Variants in NDE1 observed in about 807,000 individuals in gnomAD.
NDE1 encodes nuclear distribution protein nudE homolog 1.
In NDE1, 28 loss-of-function variants were observed where a neutral mutation model predicts 43.4. That is an observed-to-expected ratio of 0.65 (90% CI 0.48 to 0.89). The LOEUF is 0.89. NDE1 is among the 40% of genes least tolerant of loss of function. The pLI, the probability that NDE1 is intolerant of heterozygous loss-of-function variation, is 0.00. For synonymous variants in NDE1, 184 were observed against 172.0 expected (o/e 1.07, Z -0.55); for missense variants, 441 against 434.1 (o/e 1.02, Z -0.14).
chr16:15,678,114 C>G (rs949926373), intron 4 of NDE1, among the ~76,000 whole-genome samples, 165 bp downstream of exon 4: 1 of 152,062 alleles, frequency 6.6e-6, no homozygotes, highest in Non-Finnish European at 1.5e-5. Flanking sequence ...GGACAATAGT[C>G]GAAGAAGTGC....
chr16:15,711,034 A>C (rs2039761831), intron 8 of NDE1: 1 of 152,212 alleles, frequency 6.6e-6, no homozygotes, highest in South Asian at 2.1e-4. Context: ...ACCCTGGGAG[A>C]TGCTTCCAGG....
chr16:15,695,998 A>AT (rs1367838035), intron 7 of NDE1: 1 of 151,820 alleles, frequency 6.6e-6, no homozygotes, highest in African/African-American at 2.4e-5. Flanking sequence ...TAGGTTAGTG[A>AT]TTTTTCCAGA....
intron 8 of NDE1, chr16:15,711,006 T>A (rs964625034): frequency 1.3e-5 from 2 of 152,382 alleles, no homozygotes; most frequent in Admixed American, 6.6e-5. Context: ...AGAACAGCTC[T>A]CCTCCACTGA....
intron 6 of NDE1, among the ~76,000 whole-genome samples, chr16:15,692,031 C>T (rs191838035): frequency 7.2e-5 from 11 of 152,142 alleles, no homozygotes; most frequent in Admixed American, 2.6e-4. Context: ...ATACATCCAC[C>T]GAGAGCTAGA....
intron 8 of NDE1, chr16:15,718,494 C>T: frequency 6.5e-7 from 1 of 1,534,532 alleles, no homozygotes; most frequent in Non-Finnish European, 8.7e-7. Flanking sequence ...TTAAAAGATG[C>T]CCCCTCCTTG....
intron 1 of NDE1, among the ~76,000 whole-genome samples, chr16:15,644,146 G>A (rs990428373): frequency 7.2e-5 from 11 of 152,222 alleles, no homozygotes; most frequent in African/African-American, 2.7e-4. Flanking sequence ...ATCTAGACAC[G>A]ATTTAGGATG....
chr16:15,696,649 C>G, intron 7 of NDE1, 60 bp from the exon 8 acceptor site: 1 of 1,613,398 alleles, frequency 6.2e-7, no homozygotes. Context: ...TGTACAGGCT[C>G]TGGTAAGACA....
At chr16:15,699,652 A>G (rs1391296720) in intron 8 of NDE1, 11 of 1,296,020 alleles carry the variant, frequency 8.5e-6, no homozygotes, top group African/African-American at 4.5e-5. Flanking sequence ...GTTCACCCTT[A>G]TAACTCTCTG....
rs1677293613 is a variant in NDE1, at chr16:15,725,073, A to G, written c.*822A>G. ...AAGGAGCCCTTTTTACTCAAAACAC[A>G]TGGGCTAGTACTTGAGGTGTTCACT... On this transcript the variant is annotated 3_prime_UTR_variant, in exon 9 of 9. Transcript: ENST00000396354. The G allele has an allele frequency of 9.0e-7, 1 of 1,112,594 alleles. No individual in the cohort carries two copies. Among genetic ancestry groups the G allele is most frequent in the South Asian group, 1.3e-5 (1 of 77,484 alleles). The allele number at this position is 1,112,594 out of a possible 1,614,324, so 68.9% of individuals were successfully genotyped here.
At chr16:15,681,453 C>A (rs183669087) in intron 4 of NDE1, among the ~76,000 whole-genome samples, 2 of 151,312 alleles carry the variant, frequency 1.3e-5, no homozygotes, top group Non-Finnish European at 2.9e-5. Flanking sequence ...TTTGTAGATA[C>A]AGGGTTTTTC....
chr16:15,722,971 T>G (rs1356449937), intron 8 of NDE1, among the ~76,000 whole-genome samples: 1 of 152,154 alleles, frequency 6.6e-6, no homozygotes, highest in Non-Finnish European at 1.5e-5. Context: ...CTCAAACCCC[T>G]GACCTCAAGT....
At chr16:15,653,518 A>G (rs189758301) in intron 1 of NDE1, among the ~76,000 whole-genome samples, 1 of 152,086 alleles carries the variant, frequency 6.6e-6, no homozygotes, top group East Asian at 1.9e-4. Flanking sequence ...GTGGGGATGG[A>G]GAAGGGTGTT....
rs1490709218 is a variant in NDE1, at chr16:15,725,133, A to AT, written c.*883dup. On this transcript the variant is annotated 3_prime_UTR_variant, in exon 9 of 9. Coordinates refer to ENST00000396354, the MANE Select transcript of NDE1 (RefSeq NM_017668.3). The stretch of plus-strand genomic sequence containing the variant: ...AATACCCGTGAGGTATGGGACTCTG[A>AT]TAAAAAAAAAAAAAAACACACACAC... 1.7e-5 allele frequency: 11 copies of AT among 634,734 alleles called. No homozygotes were observed. The highest frequency in any genetic ancestry group is 3.7e-5 in the South Asian group (2 of 54,692). 39.3% of individuals were successfully genotyped at this position (634,734 alleles called of 1,614,324 possible).
chr16:15,703,903 C>T, intron 8 of NDE1: 1 of 1,580,954 alleles, frequency 6.3e-7, no homozygotes, highest in Non-Finnish European at 8.7e-7. Flanking sequence ...CTGGGTTTTG[C>T]TTTGTTCTGG....
At chr16:15,666,599 A>T (rs2037320858) in intron 2 of NDE1, among the ~76,000 whole-genome samples, 1 of 152,010 alleles carries the variant, frequency 6.6e-6, no homozygotes, top group Non-Finnish European at 1.5e-5. Context: ...ACAGAGCAAG[A>T]CTCTATCTCA....
intron 7 of NDE1, among the ~76,000 whole-genome samples, 196 bp from the exon 8 acceptor site, chr16:15,696,513 G>C (rs1596637625): frequency 6.6e-6 from 1 of 152,132 alleles, no homozygotes. Context: ...ATTGTGCCCA[G>C]CCAGCTCCCA....
intron 8 of NDE1, among the ~76,000 whole-genome samples, chr16:15,707,235 C>A (rs1184908240): frequency 6.6e-6 from 1 of 152,160 alleles, no homozygotes; most frequent in Admixed American, 6.6e-5. Flanking sequence ...CGGGGTTTTA[C>A]CATGTTGGCC....
chr16:15,723,583 T>C (rs1403712262), intron 8 of NDE1, among the ~76,000 whole-genome samples: 1 of 152,046 alleles, frequency 6.6e-6, no homozygotes, highest in Non-Finnish European at 1.5e-5. Flanking sequence ...GTGGTGGAGG[T>C]TGCGGGGAGC....
At position 15,691,277 on chromosome 16, in the gene NDE1, C is replaced by T; in HGVS notation, c.657C>T (p.His219=). ...CCGTGCCGTCCACGCCCATTGCTCA[C>T]CGAGGACCCAGCTCAAGTTTAAACA... The part of the protein sequence containing the change: ...TGSVPSTPIA[H]RGPSSSLNTP... The change falls in exon 6 of 9, where the codon CAC becomes CAT. Residue 219 remains histidine, a synonymous_variant. Coordinates refer to ENST00000396354, the MANE Select transcript of NDE1 (RefSeq NM_017668.3). 1.2e-6 allele frequency: 2 copies of T among 1,614,120 alleles called. No homozygotes were observed. The highest frequency in any genetic ancestry group is 4.5e-5 in the East Asian group (2 of 44,882).
Sources: allele counts gnomAD v4.1 joint callset (sites outside exome capture counted in the v4.1 genomes callset), GRCh38; gene constraint gnomAD v4.1.1; transcripts MANE v1.5; gene names NCBI Gene and HGNC (gene_info 2026-07-23, HGNC 2026-07-21).